The following SLC4A10 variants were observed in gnomAD, a reference collection of about 807,000 sequenced individuals.
SLC4A10 encodes sodium-driven chloride bicarbonate exchanger.
A neutral mutation model predicts 137.7 loss-of-function variants in SLC4A10; 42 were observed. That is an observed-to-expected ratio of 0.30 (90% confidence interval 0.24 to 0.39). The LOEUF (loss-of-function observed/expected upper bound fraction) is 0.39. Among genes scored for constraint, SLC4A10 ranks in the 10% least tolerant of loss-of-function variants. SLC4A10 has a pLI of 1.00. For synonymous variants in SLC4A10, 474 were observed against 464.1 expected (o/e 1.02, Z -0.27); for missense variants, 925 against 1,355.0 (o/e 0.68, Z 4.98).
At chr2:161,950,913 G>C in intron 19 of SLC4A10, 65 bp downstream of exon 19, 1 of 1,314,432 alleles carries the variant, frequency 7.6e-7, no homozygotes. Context: ...ATGTTCATTT[G>C]ACTTCTATAT....
At chr2:161,778,771 TA>T (rs576520761) in intron 2 of SLC4A10, among the ~76,000 whole-genome samples, 165 of 151,734 alleles carry the variant, frequency 1.1e-3, no homozygotes, top group Non-Finnish European at 1.8e-3. Context: ...AAAGATACTT[TA>T]AAAAAAACTG....
chr2:161,778,540 A>C (rs2125458898), intron 2 of SLC4A10, among the ~76,000 whole-genome samples: 1 of 151,964 alleles, frequency 6.6e-6, no homozygotes, highest in South Asian at 2.1e-4. Flanking sequence ...ATAATATGTC[A>C]CTGATCATGC....
At chr2:161,876,352 G>T (rs1347535018) in intron 8 of SLC4A10, among the ~76,000 whole-genome samples, 2 of 152,070 alleles carry the variant, frequency 1.3e-5, no homozygotes, top group African/African-American at 2.4e-5. Context: ...TCACATTCAG[G>T]TCTTTAAACA....
intron 1 of SLC4A10, among the ~76,000 whole-genome samples, chr2:161,669,818 C>A (rs2039485154): frequency 6.6e-6 from 1 of 151,980 alleles, no homozygotes; most frequent in Admixed American, 6.6e-5. Context: ...CAATCCAGGC[C>A]TCCAATTGGG....
At chr2:161,660,554 A>G (rs942577209) in intron 1 of SLC4A10, among the ~76,000 whole-genome samples, 1 of 133,438 alleles carries the variant, frequency 7.5e-6, no homozygotes, top group Non-Finnish European at 1.6e-5. Context: ...GTACTCATCT[A>G]TATTTCTTTC....
intron 1 of SLC4A10, among the ~76,000 whole-genome samples, chr2:161,657,104 C>A (rs1163880267): frequency 2.0e-5 from 2 of 101,134 alleles, no homozygotes; most frequent in Non-Finnish European, 4.2e-5. Context: ...ATAAACACGA[C>A]AAATTTGCAG....
intron 23 of SLC4A10, among the ~76,000 whole-genome samples, chr2:161,968,337 T>C (rs182465186): frequency 1.2e-3 from 183 of 152,286 alleles, no homozygotes; most frequent in Admixed American, 2.7e-3. Context: ...AGAACATATG[T>C]AATCAGTGTC....
At chr2:161,853,202 TA>T (rs956355709) in intron 4 of SLC4A10, among the ~76,000 whole-genome samples, 1 of 152,194 alleles carries the variant, frequency 6.6e-6, no homozygotes, top group Non-Finnish European at 1.5e-5. Flanking sequence ...AATTATGCTA[TA>T]AAAAATACCC....
chr2:161,642,160 T>C (rs964801208), intron 1 of SLC4A10, among the ~76,000 whole-genome samples: 1 of 152,106 alleles, frequency 6.6e-6, no homozygotes, highest in East Asian at 1.9e-4. Flanking sequence ...AGGATACATA[T>C]ATCTTTGATT....
At chr2:161,792,382 T>C (rs2054295769) in intron 2 of SLC4A10, among the ~76,000 whole-genome samples, 1 of 152,138 alleles carries the variant, frequency 6.6e-6, no homozygotes, top group South Asian at 2.1e-4. Flanking sequence ...ATGACCAAAG[T>C]CTCTTAATAT....
At chr2:161,633,578 C>T (rs1300751079) in intron 1 of SLC4A10, among the ~76,000 whole-genome samples, 1 of 151,320 alleles carries the variant, frequency 6.6e-6, no homozygotes, top group Non-Finnish European at 1.5e-5. Context: ...TTGTGAGAAG[C>T]AATGAAAAAA....
At chr2:161,628,225 A>G (rs56721699) in intron 1 of SLC4A10, among the ~76,000 whole-genome samples, 57 of 152,198 alleles carry the variant, frequency 3.7e-4, no homozygotes, top group African/African-American at 1.3e-3. Context: ...AGAAGAATAT[A>G]TAACTTATAT....
Position 161,879,226 on chromosome 2 carries a change from G to A in SLC4A10, c.1044G>A (p.Ala348=), listed in dbSNP as rs371864984. The A allele has an allele frequency of 3.2e-5, 52 of 1,613,152 alleles. No individual in the cohort carries two copies. The highest frequency in any genetic ancestry group is 3.9e-5 in the Non-Finnish European group (46 of 1,179,408). The part of the protein sequence containing the change: ...ELEFLDRTVV[A]FVRLSPAVLL... ...AGTTCTTGGATCGAACAGTAGTTGC[G>A]TTTGTCAGGTTGTCTCCAGCTGTAT... The change falls in exon 9 of 27, where the codon GCG becomes GCA. Residue 348 remains alanine, a synonymous_variant. Transcript: ENST00000446997.
At chr2:161,730,832 T>C (rs376401552) in intron 1 of SLC4A10, among the ~76,000 whole-genome samples, 2 of 152,214 alleles carry the variant, frequency 1.3e-5, no homozygotes, top group African/African-American at 4.8e-5. Context: ...TTGAACCTAA[T>C]GTTAAACCAT....
intron 2 of SLC4A10, among the ~76,000 whole-genome samples, chr2:161,804,144 T>A (rs2055666694): frequency 6.6e-6 from 1 of 151,974 alleles, no homozygotes; most frequent in Admixed American, 6.6e-5. Context: ...AAAAAACAAT[T>A]TTTTTTCTAA....
At chr2:161,871,772 A>G (rs1044885430) in intron 6 of SLC4A10, among the ~76,000 whole-genome samples, 2 of 152,130 alleles carry the variant, frequency 1.3e-5, no homozygotes, top group African/African-American at 4.8e-5. Flanking sequence ...GAACCCCCTT[A>G]TATAGAAAAC....
chr2:161,725,091 C>G (rs185165345), intron 1 of SLC4A10, among the ~76,000 whole-genome samples: 12 of 152,208 alleles, frequency 7.9e-5, no homozygotes, highest in Non-Finnish European at 1.5e-4. Context: ...TGTTCATGAG[C>G]AAATATGGCC....
At chr2:161,698,419 T>C (rs1357354700) in intron 1 of SLC4A10, among the ~76,000 whole-genome samples, 1 of 152,236 alleles carries the variant, frequency 6.6e-6, no homozygotes, top group African/African-American at 2.4e-5. Context: ...TTTTTGCCCA[T>C]TCAGCATGAT....
intron 1 of SLC4A10, among the ~76,000 whole-genome samples, chr2:161,689,917 C>T (rs1374563767): frequency 6.6e-6 from 1 of 152,124 alleles, no homozygotes; most frequent in Non-Finnish European, 1.5e-5. Flanking sequence ...CTGCCCTGAA[C>T]ACACCAGGCT....
Sources: allele counts gnomAD v4.1 joint callset (sites outside exome capture counted in the v4.1 genomes callset), GRCh38; gene constraint gnomAD v4.1.1; transcripts MANE v1.5; gene names NCBI Gene and HGNC (gene_info 2026-07-23, HGNC 2026-07-21).